Variants in NAT8L observed in about 807,000 individuals in gnomAD.
NAT8L encodes N-acetylaspartate synthetase.
A neutral mutation model predicts 21.2 loss-of-function variants in NAT8L; 6 were observed. The ratio of observed to expected loss-of-function variants is 0.28; its 90% CI spans 0.16 to 0.56. The LOEUF is 0.56. Among genes scored for constraint, NAT8L ranks in the 20% least tolerant of loss-of-function variants. The probability of loss-of-function intolerance (pLI) is 0.93; values close to 1 mark genes in which losing one functional copy is unlikely to be tolerated. For synonymous variants in NAT8L, 239 were observed against 204.9 expected (o/e 1.17, Z -1.42); for missense variants, 331 against 433.3 (o/e 0.76, Z 2.10).
chr4:2,065,792 C>A lies in NAT8L; in HGVS notation c.*1665C>A, dbSNP rs1729986633. 1 of 152,594 alleles carries A rather than the reference C, an allele frequency of 6.6e-6. No individual in the cohort carries two copies. The highest frequency in any genetic ancestry group is 6.5e-5 in the Admixed American group (1 of 15,286). 9.5% of individuals were successfully genotyped at this position (152,594 alleles called of 1,614,324 possible). A position where few individuals can be genotyped will look rare whatever the true frequency, so the allele number is the denominator to read the frequency against. Reference sequence around the variant, plus strand: ...CATTCCTCCCTGGAGGTGCCCGGTCCCCGCTTGGGGATGGGAGTTTTGTAG... The same window carrying A: ...CATTCCTCCCTGGAGGTGCCCGGTCACCGCTTGGGGATGGGAGTTTTGTAG... On this transcript the variant is annotated 3_prime_UTR_variant, in exon 3 of 3. Transcript: ENST00000423729.
intron 2 of NAT8L, among the ~76,000 whole-genome samples, chr4:2,062,876 G>T (rs866351157): frequency 1.3e-5 from 2 of 152,222 alleles, no homozygotes. Flanking sequence ...TCTTCAGAGA[G>T]GTCTCTGGGT....
Position 2,059,829 on chromosome 4 carries a change from G to T in NAT8L, c.318G>T (p.Thr106=). The T allele has an allele frequency of 7.2e-7, 1 of 1,385,562 alleles. No homozygotes were observed. The highest frequency in any genetic ancestry group is 3.6e-5 in the East Asian group (1 of 27,874). 85.8% of individuals were successfully genotyped at this position (1,385,562 alleles called of 1,614,324 possible). A position where few individuals can be genotyped will look rare whatever the true frequency, so the allele number is the denominator to read the frequency against. ...GCATCATGGAGCGCATCCCTAACAC[G>T]GCCTTCCGCGGCCTGCGGCAGCACC... is the stretch of plus-strand genomic sequence containing the variant. ...YDGIMERIPN[T]AFRGLRQHPR... The change falls in exon 1 of 3, where the codon ACG becomes ACT. Residue 106 remains threonine (T), a synonymous_variant. Transcript: ENST00000423729. This position sits in a 1 kb window ranked among gnomAD's most constrained non-coding sequence, Gnocchi z 4.8.
In NAT8L at chr4:2,059,897, C is replaced by T; in HGVS notation, c.376+10C>T. 7.8e-7 allele frequency: 1 copy of T among 1,278,680 alleles called. No homozygotes were observed. The allele number at this position is 1,278,680 out of a possible 1,614,324, so 79.2% of individuals were successfully genotyped here. ...TACGCCCTGCTGGCGGGTCAGTGCG[C>T]CGGGCCCCCGGCTGCCGCAGTCCCT... On this transcript the variant is annotated intron_variant, in intron 1 of 2. Coordinates refer to ENST00000423729, the MANE Select transcript of NAT8L (RefSeq NM_178557.4). This position sits in a 1 kb window ranked among gnomAD's most constrained non-coding sequence, Gnocchi z 4.8.
intron 2 of NAT8L, among the ~76,000 whole-genome samples, 168 bp downstream of exon 2, chr4:2,061,330 G>A (rs1435704247): frequency 6.6e-6 from 1 of 152,244 alleles, no homozygotes; most frequent in South Asian, 2.1e-4. Flanking sequence ...GTGTCAGCGG[G>A]GCTGGGGGAG....
intron 2 of NAT8L, among the ~76,000 whole-genome samples, chr4:2,062,403 G>A (rs1021198462): frequency 6.6e-6 from 1 of 152,046 alleles, no homozygotes; most frequent in African/African-American, 2.4e-5. Flanking sequence ...GTGGTGGGCA[G>A]GCCAGCTGGT....
rs1730053221 is a variant in NAT8L at position 2,068,495 on chromosome 4, G to C, written c.*4368G>C. 6.6e-6 allele frequency: 1 copy of C among 152,260 alleles called. No homozygotes were observed. Among genetic ancestry groups the C allele is most frequent in the African/African-American group, 2.4e-5 (1 of 41,426 alleles). 9.4% of individuals were successfully genotyped at this position (152,260 alleles called of 1,614,324 possible). A position where few individuals can be genotyped will look rare whatever the true frequency, so the allele number is the denominator to read the frequency against. On this transcript the variant is annotated 3_prime_UTR_variant, in exon 3 of 3. Coordinates refer to ENST00000423729, the MANE Select transcript of NAT8L (RefSeq NM_178557.4). Reference sequence around the variant, plus strand: ...TGTATGAGTGCATACATATGCATATGGTGTACGTGTGTGTACTTTGTGTGT... The same window carrying C: ...TGTATGAGTGCATACATATGCATATCGTGTACGTGTGTGTACTTTGTGTGT...
chr4:2,061,850 C>CA (rs1478495805), intron 2 of NAT8L, among the ~76,000 whole-genome samples: 1 of 152,130 alleles, frequency 6.6e-6, no homozygotes, highest in Non-Finnish European at 1.5e-5. Context: ...GTCTGTAGGC[C>CA]AACGAGAGGG....
chr4:2,060,608 T>G lies in NAT8L; in HGVS notation c.377-390T>G, dbSNP rs1172091253. Among the ~76,000 whole-genome samples the G allele has an allele frequency of 6.6e-6, 1 of 151,814 alleles. No individual in the cohort carries two copies. The highest frequency in any genetic ancestry group is 1.5e-5 in the Non-Finnish European group (1 of 67,910). On this transcript the variant is annotated intron_variant, in intron 1 of 2. Transcript: ENST00000423729. The surrounding 1 kb of genome is among the most constrained non-coding windows in gnomAD (Gnocchi z 4.7). ...GGTCCTGGAGCCCGAGGCTGGAACGTGGGACACCCCCCTTCCTCCTCCCCC... is the reference window on the plus strand; with the variant it reads ...GGTCCTGGAGCCCGAGGCTGGAACGGGGGACACCCCCCTTCCTCCTCCCCC...
In NAT8L at chr4:2,064,178, C is replaced by G; in HGVS notation, c.*51C>G. ...CCCGGCCGCCCTGTCCGCCTTTGCC[C>G]GCCTGCCCGCCGCCCGGCGCGGCCT... On this transcript the variant is annotated 3_prime_UTR_variant, in exon 3 of 3. Transcript: ENST00000423729. The G allele has an allele frequency of 8.3e-7, 1 of 1,207,406 alleles. No individual in the cohort carries two copies. The highest frequency in any genetic ancestry group is 1.0e-6 in the Non-Finnish European group (1 of 965,658). The allele number at this position is 1,207,406 out of a possible 1,614,324, so 74.8% of individuals were successfully genotyped here.
rs1730025296 is a variant in NAT8L at position 2,067,349 on chromosome 4, GGAAGGCTGGGCCTGGGA to G, written c.*3224_*3240del. 6.5e-6 allele frequency: 1 copy of G among 152,758 alleles called. No individual in the cohort carries two copies. The highest frequency in any genetic ancestry group is 6.5e-5 in the Admixed American group (1 of 15,294). The allele number at this position is 152,758 out of a possible 1,614,324, so 9.5% of individuals were successfully genotyped here. On this transcript the variant is annotated 3_prime_UTR_variant, in exon 3 of 3. Coordinates refer to ENST00000423729, the MANE Select transcript of NAT8L (RefSeq NM_178557.4). Reference sequence around the variant, plus strand: ...TGAGGGGTGGATGGCTGGCCCTGGGGGAAGGCTGGGCCTGGGAGGCCCTGTGGACAGCAGGCCTGAGG... The same window carrying G: ...TGAGGGGTGGATGGCTGGCCCTGGGGGGCCCTGTGGACAGCAGGCCTGAGG...
At position 2,065,718 on chromosome 4, in the gene NAT8L, G is replaced by C. The variant is rs1729985150; in HGVS notation, c.*1591G>C. 6.6e-6 allele frequency: 1 copy of C among 152,466 alleles called. No individual in the cohort carries two copies. The highest frequency in any genetic ancestry group is 2.1e-4 in the South Asian group (1 of 4,834). The allele number at this position is 152,466 out of a possible 1,614,324, so 9.4% of individuals were successfully genotyped here. On this transcript the variant is annotated 3_prime_UTR_variant, in exon 3 of 3. Transcript: ENST00000423729. ...CCTGCGTCCAAGGGCCTTTTGTCCT[G>C]TTAGCAATTGAGGTGTGCAGAGCAC...
In NAT8L at chr4:2,066,540, C is replaced by T. The variant is rs1004256622; in HGVS notation, c.*2413C>T. ...TGTGTCCTCCCCCGGGGCTGGAGGC[C>T]GGGTGCCTGGTGGGTGGGCCTGACC... On this transcript the variant is annotated 3_prime_UTR_variant, in exon 3 of 3. Coordinates refer to ENST00000423729, the MANE Select transcript of NAT8L (RefSeq NM_178557.4). 3 of 152,190 alleles carry T rather than the reference C, an allele frequency of 2.0e-5. No homozygotes were observed. Among genetic ancestry groups the T allele is most frequent in the East Asian group, 1.9e-4 (1 of 5,186 alleles). 9.4% of individuals were successfully genotyped at this position (152,190 alleles called of 1,614,324 possible).
In NAT8L at chr4:2,059,397, T is replaced by TGCAGCCGCCGCC. The variant is rs1729806924; in HGVS notation, c.-113_-112insAGCCGCCGCCGC. 2 of 234,838 alleles carry TGCAGCCGCCGCC rather than the reference T, an allele frequency of 8.5e-6. No homozygotes were observed. Among genetic ancestry groups the TGCAGCCGCCGCC allele is most frequent in the African/African-American group, 5.1e-5 (2 of 39,360 alleles). The allele number at this position is 234,838 out of a possible 1,614,324, so 14.5% of individuals were successfully genotyped here. ...GAGCTGCCGCCGCCGCCGCCGCCGC[T>TGCAGCCGCCGCC]GCCGCCGCCGCCGCCGCCGCCGCGG... On this transcript the variant is annotated 5_prime_UTR_variant, in exon 1 of 3. Transcript: ENST00000423729. The surrounding 1 kb of genome is among the most constrained non-coding windows in gnomAD (Gnocchi z 4.8).
rs1392016689 is a variant in NAT8L at position 2,060,906 on chromosome 4, GGGCGC to G, written c.377-87_377-83del. The G allele has an allele frequency of 3.5e-6, 2 of 564,192 alleles. No individual in the cohort carries two copies. Among genetic ancestry groups the G allele is most frequent in the Non-Finnish European group, 5.8e-6 (2 of 346,492 alleles). The allele number at this position is 564,192 out of a possible 1,614,324, so 34.9% of individuals were successfully genotyped here. A position where few individuals can be genotyped will look rare whatever the true frequency, so the allele number is the denominator to read the frequency against. ...CGGCTCCTCCACCAGGAGCGCGGCC[GGGCGC>G]GGCGTCCCTAGCGGGCTTCGCCGGG... On this transcript the variant is annotated intron_variant, in intron 1 of 2. Transcript: ENST00000423729. This position sits in a 1 kb window ranked among gnomAD's most constrained non-coding sequence, Gnocchi z 4.7.
intron 2 of NAT8L, among the ~76,000 whole-genome samples, chr4:2,063,282 G>A (rs545889698): frequency 2.6e-5 from 4 of 152,396 alleles, no homozygotes; most frequent in African/African-American, 9.6e-5. Flanking sequence ...TGGGTGGCCA[G>A]AAGCCACAGC....
At position 2,063,818 on chromosome 4, in the gene NAT8L, G is replaced by A. The variant is rs1297835278; in HGVS notation, c.600G>A (p.Arg200=). 1 of 1,612,356 alleles carries A rather than the reference G, an allele frequency of 6.2e-7. No homozygotes were observed. Residue 200 remains arginine, a synonymous_variant, in exon 3 of 3, where the codon CGG becomes CGA. Transcript: ENST00000423729. ...ACGTGGTGGGCATTGTGGCTGCACG[G>A]GCCCACGAGGAGGACAACACGGTGG... The part of the protein sequence containing the change: ...DGNVVGIVAA[R]AHEEDNTVEL...
intron 2 of NAT8L, among the ~76,000 whole-genome samples, chr4:2,063,064 C>G (rs1009382772): frequency 2.0e-5 from 3 of 152,256 alleles, no homozygotes; most frequent in African/African-American, 7.2e-5. Context: ...AGAATTGGGC[C>G]GTGCTGTGGA....
chr4:2,068,987 G>A lies in NAT8L; in HGVS notation c.*4860G>A, dbSNP rs756205849. 6.6e-6 allele frequency: 1 copy of A among 152,080 alleles called. No homozygotes were observed. The highest frequency in any genetic ancestry group is 2.4e-5 in the African/African-American group (1 of 41,394). 9.4% of individuals were successfully genotyped at this position (152,080 alleles called of 1,614,324 possible). On this transcript the variant is annotated 3_prime_UTR_variant, in exon 3 of 3. Coordinates refer to ENST00000423729, the MANE Select transcript of NAT8L (RefSeq NM_178557.4). ...AACAGCCCCCAGGGTGGGGGCGAGC[G>A]AGTTCTGAGGAGAGGGGCTGCGGGG...
In NAT8L at chr4:2,060,459, C is replaced by T. The variant is rs563131641; in HGVS notation, c.377-539C>T. ...GAGGCCGCGTAGGGAGGACGCGACT[C>T]CCCCAAGGTCACGGCAGCCGAAATG... On this transcript the variant is annotated intron_variant, in intron 1 of 2. Transcript: ENST00000423729. This position sits in a 1 kb window ranked among gnomAD's most constrained non-coding sequence, Gnocchi z 4.7. Among the ~76,000 whole-genome samples the T allele has an allele frequency of 2.4e-3, 363 of 152,296 alleles. 2 individuals carry two copies. Among genetic ancestry groups the T allele is most frequent in the African/African-American group, 8.1e-3 (335 of 41,576 alleles).
Sources: gnomAD v4.1 joint callset for allele counts (sites outside exome capture counted in the v4.1 genomes callset) on GRCh38, gnomAD v4.1.1 for gene constraint, Gnocchi (gnomAD v3.1) non-coding constraint, MANE v1.5 for transcripts, NCBI Gene and HGNC (gene_info 2026-07-23, HGNC 2026-07-21) for gene names.